Variants in DUOX2 observed in about 807,000 individuals in gnomAD.
DUOX2 encodes NADH/NADPH thyroid oxidase p138-tox.
In DUOX2, 185 loss-of-function variants were observed where a neutral mutation model predicts 183.3. The observed-to-expected ratio is 1.01, with a 90% CI of 0.90 to 1.14. The LOEUF is 1.14. Among genes scored for constraint, DUOX2 ranks in the 50% most tolerant of loss-of-function variants. The probability of loss-of-function intolerance (pLI) is 0.00; values close to 1 mark genes in which losing one functional copy is unlikely to be tolerated. For synonymous variants in DUOX2, 788 were observed against 812.4 expected (o/e 0.97, Z 0.51); for missense variants, 1,999 against 2,022.9 (o/e 0.99, Z 0.23).
At position 45,094,402 on chromosome 15, in the gene DUOX2, C is replaced by T. The variant is rs879621190; in HGVS notation, c.4525-130G>A. 112 of 1,542,054 alleles carry T rather than the reference C, an allele frequency of 7.3e-5. 1 individual carries two copies. The highest frequency in any genetic ancestry group is 2.3e-4 in the African/African-American group (17 of 72,970). On this transcript the variant is annotated intron_variant, in intron 33 of 33. Transcript: ENST00000389039. Reference sequence around the variant, plus strand: ...CCCAGGCCTTGAGGAGGAGGCTTAACGTGGAGGGGGTGGAAGTCCCCCTTT... The same window carrying T: ...CCCAGGCCTTGAGGAGGAGGCTTAATGTGGAGGGGGTGGAAGTCCCCCTTT...
intron 31 of DUOX2, 71 bp downstream of exon 31, chr15:45,095,366 C>T (rs1893872258): frequency 4.4e-6 from 7 of 1,601,708 alleles, no homozygotes; most frequent in African/African-American, 1.3e-5. Flanking sequence ...TTCTCTCATG[C>T]TCCACCACTT....
intron 13 of DUOX2, among the ~76,000 whole-genome samples, chr15:45,107,701 A>G (rs534853770): frequency 6.6e-6 from 1 of 152,124 alleles, no homozygotes; most frequent in South Asian, 2.1e-4. Flanking sequence ...TTTTAAAAAA[A>G]TTAGCCGGGC....
Position 45,094,193 on chromosome 15 carries a change from C to T in DUOX2, c.4604G>A (p.Arg1535Lys), listed in dbSNP as rs2141138526. ...NVEKACQLVN[R>K]QDRAHFMHHY... ...GTGCATGAAGTGGGCTCGGTCCTGC[C>T]TGTTGACGAGCTGACAGGCCTTCTC... The change falls in exon 34 of 34, where the codon AGG (arginine) becomes AAG (lysine). Residue 1535 changes from arginine (R) to lysine (K), a missense_variant. Arg to Lys is a conservative substitution (Grantham distance 26). Coordinates refer to ENST00000389039, the MANE Select transcript of DUOX2 (RefSeq NM_001363711.2). The T allele has an allele frequency of 6.2e-7, 1 of 1,614,124 alleles. No homozygotes were observed. Among genetic ancestry groups the T allele is most frequent in the Non-Finnish European group, 8.5e-7 (1 of 1,180,032 alleles).
chr15:45,110,421 C>T lies in DUOX2; in HGVS notation c.1040+7G>A, dbSNP rs767593700. 6.8e-6 allele frequency: 11 copies of T among 1,612,560 alleles called. No homozygotes were observed. In the South Asian group the frequency reaches 8.8e-5, roughly 13 times the overall value. On this transcript the variant is annotated splice_region_variant and intron_variant, in intron 9 of 33. Coordinates refer to ENST00000389039, the MANE Select transcript of DUOX2 (RefSeq NM_001363711.2). ...GTGGTGCCCCTCTCTGCCAACCCCT[C>T]CCTCACCTCATGTAGACACCAGGGG...
At position 45,104,272 on chromosome 15, in the gene DUOX2, C is replaced by T. The variant is rs375229316; in HGVS notation, c.2428G>A (p.Glu810Lys). 1.8e-5 allele frequency: 29 copies of T among 1,613,964 alleles called. No individual in the cohort carries two copies. In the East Asian group the frequency reaches 2.7e-4, roughly 15 times the overall value. Residue 810 changes from glutamate (E) to lysine (K), a missense_variant, in exon 19 of 34, where the codon GAG becomes AAG. By Grantham distance (56) the Glu-to-Lys change is moderately conservative (BLOSUM62 1). Around this residue, in one of 3 missense-constraint regions of DUOX2, gnomAD observed 1,628 missense variants for 1,608.6 expected, o/e 1.01. Transcript: ENST00000389039. Reference protein sequence around the residue: ...EALTCELSRAEFAESLGLKPQ... With the variant: ...EALTCELSRAKFAESLGLKPQ... ...TTGAGGCCCAGGGACTCGGCAAACT[C>T]GGCCCTGCTCAGCTCGCAGGTCAGG...
At position 45,100,195 on chromosome 15, in the gene DUOX2, C is replaced by CT; in HGVS notation, c.3038dup (p.Ala1014GlyfsTer108). 6.2e-7 allele frequency: 1 copy of CT among 1,614,100 alleles called. No individual in the cohort carries two copies. The highest frequency in any genetic ancestry group is 8.5e-7 in the Non-Finnish European group (1 of 1,180,018). On this transcript the variant is annotated frameshift_variant, in exon 24 of 34. Coordinates refer to ENST00000389039, the MANE Select transcript of DUOX2 (RefSeq NM_001363711.2). LOFTEE classifies it high-confidence loss of function. ...CTCGCTGCATCTTCTCTTGCAGCGC[C>CT]TCTGTGTACAGCCGGGGAGTGGGCA...
rs2141144592 is a variant in DUOX2, at chr15:45,100,047, T to TA, written c.3184+2dup. On this transcript the variant is annotated splice_region_variant and intron_variant, in intron 24 of 33. Coordinates refer to ENST00000389039, the MANE Select transcript of DUOX2 (RefSeq NM_001363711.2). ...CCCACTGCCCACAGCCTGGAACTCT[T>TA]ACAGTAAGCACGATCTGCAAACACG... 2 of 1,614,192 alleles carry TA rather than the reference T, an allele frequency of 1.2e-6. No individual in the cohort carries two copies. The highest frequency in any genetic ancestry group is 4.5e-5 in the East Asian group (2 of 44,878).
intron 10 of DUOX2, 47 bp from the exon 11 acceptor site, chr15:45,109,673 G>A (rs1213158061): frequency 1.3e-6 from 2 of 1,594,700 alleles, no homozygotes; most frequent in Admixed American, 3.3e-5. Context: ...CCAAAACTCG[G>A]TCTCTCTCAG....
At chr15:45,106,095 C>A (rs751801201) in intron 17 of DUOX2, 30 bp downstream of exon 17, 2 of 1,613,076 alleles carry the variant, frequency 1.2e-6, no homozygotes, top group Non-Finnish European at 1.7e-6. Context: ...GTGAGGGCAG[C>A]CCAGGCTGGG....
At chr15:45,105,600 T>C (rs772920789) in intron 18 of DUOX2, 43 bp downstream of exon 18, 1 of 1,613,154 alleles carries the variant, frequency 6.2e-7, no homozygotes, top group East Asian at 2.2e-5. Flanking sequence ...TTTCCTCCAT[T>C]TCTGGGGCTG....
chr15:45,094,478 A>G, intron 33 of DUOX2, 85 bp downstream of exon 33: 1 of 1,556,096 alleles, frequency 6.4e-7, no homozygotes, highest in Non-Finnish European at 8.7e-7. Context: ...TTCTCTGCTC[A>G]GAACAGAGTG....
Position 45,094,054 on chromosome 15 carries a change from G to A in DUOX2, c.*96C>T. The A allele has an allele frequency of 6.4e-7, 1 of 1,568,844 alleles. No homozygotes were observed. The highest frequency in any genetic ancestry group is 8.8e-7 in the Non-Finnish European group (1 of 1,140,342). On this transcript the variant is annotated 3_prime_UTR_variant, in exon 34 of 34. Coordinates refer to ENST00000389039, the MANE Select transcript of DUOX2 (RefSeq NM_001363711.2). ...TGCAGCCCTCCAGCTGAGGCCTAAG[G>A]TGGATTCTGATGGAGAGATTGCCAG...
chr15:45,099,456 T>C lies in DUOX2; in HGVS notation c.3442A>G (p.Asn1148Asp), dbSNP rs755108099. The change falls in exon 26 of 34, where the codon AAT becomes GAT. Residue 1148 changes from asparagine to aspartate, a missense_variant. Asn to Asp is a conservative substitution (Grantham distance 23). Transcript: ENST00000389039. ...GGGCTGACTGAGAAGATGTAGACAT[T>C]GACTGCGTGGCCAGCACTGTGCAAA... ...AILHSAGHAV[N>D]VYIFSVSPLS... 9.3e-6 allele frequency: 15 copies of C among 1,614,024 alleles called. No individual in the cohort carries two copies. In the East Asian group the frequency reaches 3.3e-4, roughly 36 times the overall value.
chr15:45,095,325 C>G, intron 31 of DUOX2, 112 bp downstream of exon 31: 2 of 1,526,330 alleles, frequency 1.3e-6, no homozygotes, highest in South Asian at 2.3e-5. Flanking sequence ...AAGAATGACC[C>G]CTTCAGACTC....
chr15:45,113,430 G>A lies in DUOX2; in HGVS notation c.-14-5C>T, dbSNP rs201463794. On this transcript the variant is annotated splice_polypyrimidine_tract_variant and splice_region_variant and intron_variant, in intron 1 of 33. Coordinates refer to ENST00000389039, the MANE Select transcript of DUOX2 (RefSeq NM_001363711.2). ...GGAGCATGCCAACCCTGCAGCCTGCGGGGTGAGGGTGGGGGTGGTAGGTGG... is the reference window on the plus strand; with the variant it reads ...GGAGCATGCCAACCCTGCAGCCTGCAGGGTGAGGGTGGGGGTGGTAGGTGG... 2 of 1,553,730 alleles carry A rather than the reference G, an allele frequency of 1.3e-6. No individual in the cohort carries two copies. Among genetic ancestry groups the A allele is most frequent in the South Asian group, 1.2e-5 (1 of 84,324 alleles).
chr15:45,099,695 G>T lies in DUOX2; in HGVS notation c.3382C>A (p.Arg1128Ser), dbSNP rs559663716. The part of the protein sequence containing the change: ...VPFDAAVDFH[R>S]WIAMAAVVLA... ...ACAACAGCAGCCATGGCGATCCAGC[G>T]GTGGAAGTCCACTGCGGCATCAAAA... Residue 1128 changes from arginine to serine, a missense_variant, in exon 25 of 34, where the codon CGC (arginine) becomes AGC (serine). By Grantham distance (110) the Arg-to-Ser change is moderately radical. Around this residue, in one of 3 missense-constraint regions of DUOX2, gnomAD observed 1,628 missense variants for 1,608.6 expected, o/e 1.01. Coordinates refer to ENST00000389039, the MANE Select transcript of DUOX2 (RefSeq NM_001363711.2). The T allele has an allele frequency of 6.2e-7, 1 of 1,614,184 alleles. No individual in the cohort carries two copies. Among genetic ancestry groups the T allele is most frequent in the Non-Finnish European group, 8.5e-7 (1 of 1,180,042 alleles).
At chr15:45,112,488 C>G (rs1894457631) in intron 4 of DUOX2, 66 bp downstream of exon 4, 2 of 1,589,530 alleles carry the variant, frequency 1.3e-6, no homozygotes, top group Middle Eastern at 2.2e-4. Context: ...CAGACGGGAT[C>G]TGGCCCCTCC....
At position 45,095,938 on chromosome 15, in the gene DUOX2, G is replaced by A. The variant is rs768317705; in HGVS notation, c.3970C>T (p.Pro1324Ser). 7.4e-6 allele frequency: 12 copies of A among 1,613,922 alleles called. No individual in the cohort carries two copies. Among genetic ancestry groups the A allele is most frequent in the Middle Eastern group, 1.6e-4 (1 of 6,084 alleles). Residue 1324 changes from proline to serine, a missense_variant, in exon 30 of 34, where the codon CCC (proline) becomes TCC (serine). Transcript: ENST00000389039. ...EYHPFTLTSA[P>S]HEDTLSLHIR... Reference sequence around the variant, plus strand: ...TGCAGGCTGAGTGTGTCCTCATGGGGCGCGGAGGTCAGTGTGAAGGGGTGG... The same window carrying A: ...TGCAGGCTGAGTGTGTCCTCATGGGACGCGGAGGTCAGTGTGAAGGGGTGG...
Position 45,107,372 on chromosome 15 carries a change from G to A in DUOX2, c.1666C>T (p.Gln556Ter), listed in dbSNP as rs771710411. 3 of 1,614,144 alleles carry A rather than the reference G, an allele frequency of 1.9e-6. No homozygotes were observed. Among genetic ancestry groups the A allele is most frequent in the Non-Finnish European group, 2.5e-6 (3 of 1,180,056 alleles). The change falls in exon 14 of 34, where the codon CAG becomes TAG. Residue 556 changes from glutamine to a stop codon, truncating the protein, a stop_gained. Coordinates refer to ENST00000389039, the MANE Select transcript of DUOX2 (RefSeq NM_001363711.2). LOFTEE classifies it high-confidence loss of function. ...TTATGCCAGACAAAGACATTGGGCT[G>A]CAGGGCACTGGGGTCAATGTTGATA... ...AVINIDPSAL[Q>*]PNVFVWHKGA...
Sources: allele counts gnomAD v4.1 joint callset (sites outside exome capture counted in the v4.1 genomes callset), GRCh38; gene constraint gnomAD v4.1.1; regional missense constraint gnomAD v4.1.1; transcripts MANE v1.5; gene names NCBI Gene and HGNC (gene_info 2026-07-23, HGNC 2026-07-21).